The following IGSF21 variants were observed in gnomAD, a reference collection of about 807,000 sequenced individuals.
The protein encoded by IGSF21 is immunoglobulin superfamily member 21.
A neutral mutation model predicts 46.8 loss-of-function variants in IGSF21; 28 were observed. The observed-to-expected ratio is 0.60, with a 90% confidence interval of 0.44 to 0.82. The LOEUF (loss-of-function observed/expected upper bound fraction) is 0.82. IGSF21 is among the 40% of genes least tolerant of loss of function. IGSF21 has a pLI of 0.00. For missense variants in IGSF21, 624 were observed against 665.5 expected, an observed-to-expected ratio of 0.94 and a Z score of 0.69; for synonymous variants, 284 against 273.6, an observed-to-expected ratio of 1.04 and a Z score of -0.38.
chr1:18,318,231 C>A (rs537506517), intron 3 of IGSF21, among the ~76,000 whole-genome samples: 1 of 152,148 alleles, frequency 6.6e-6, no homozygotes, highest in Non-Finnish European at 1.5e-5. Flanking sequence ...CCCTGGCCCC[C>A]CGTCCCAAAT....
chr1:18,354,315 C>T lies in IGSF21; in HGVS notation c.425-7800C>T, dbSNP rs999667240. Among the ~76,000 whole-genome samples, 38 of 151,962 alleles carry T rather than the reference C, an allele frequency of 2.5e-4. 1 individual carries two copies. The highest frequency in any genetic ancestry group is 6.5e-5 in the Admixed American group (1 of 15,278). On this transcript the variant is annotated intron_variant, in intron 4 of 9. Coordinates refer to ENST00000251296, the MANE Select transcript of IGSF21 (RefSeq NM_032880.5). Reference sequence around the variant, plus strand: ...CATTGCTGAAGCAGGGAGGGCTTCCCAGAGGAGGTGCTCTTTTGAGCAGGT... The same window carrying T: ...CATTGCTGAAGCAGGGAGGGCTTCCTAGAGGAGGTGCTCTTTTGAGCAGGT...
intron 1 of IGSF21, among the ~76,000 whole-genome samples, chr1:18,197,825 A>T (rs577984403): frequency 1.3e-5 from 2 of 152,238 alleles, no homozygotes; most frequent in Non-Finnish European, 2.9e-5. Context: ...GCTTAGAATG[A>T]TGCCTGGAAC....
At chr1:18,160,845 G>C (rs1220725254) in intron 1 of IGSF21, among the ~76,000 whole-genome samples, 1 of 152,152 alleles carries the variant, frequency 6.6e-6, no homozygotes, top group Non-Finnish European at 1.5e-5. Flanking sequence ...TAGAGTGCTG[G>C]ACCAATGTGG....
chr1:18,363,662 T>C (rs1367749496), intron 5 of IGSF21, among the ~76,000 whole-genome samples: 2 of 148,504 alleles, frequency 1.3e-5, no homozygotes, highest in African/African-American at 5.0e-5. Context: ...GATGGAGCAA[T>C]GGGCAGGGGC....
intron 1 of IGSF21, among the ~76,000 whole-genome samples, chr1:18,147,885 T>C (rs1369773886): frequency 6.6e-6 from 1 of 151,964 alleles, no homozygotes; most frequent in Admixed American, 6.6e-5. Flanking sequence ...TGGTGGGAGG[T>C]AATTGAATCG....
chr1:18,233,987 G>A (rs2084651096), intron 2 of IGSF21, among the ~76,000 whole-genome samples: 1 of 152,140 alleles, frequency 6.6e-6, no homozygotes, highest in African/African-American at 2.4e-5. Context: ...ATCCTAAGGA[G>A]ACAGGAAACA....
chr1:18,352,987 C>T (rs1271884227), intron 4 of IGSF21, among the ~76,000 whole-genome samples: 7 of 152,270 alleles, frequency 4.6e-5, no homozygotes, highest in East Asian at 1.9e-4. Context: ...GCACCAAGCA[C>T]AGGAGCTCCC....
chr1:18,196,646 A>G (rs4920452), intron 1 of IGSF21, among the ~76,000 whole-genome samples: 146,136 of 152,248 alleles, frequency 0.96, 70,369 homozygotes, highest in East Asian at 1. Flanking sequence ...TTATCTCATC[A>G]GAGCCACATA....
chr1:18,337,839 A>G lies in IGSF21; in HGVS notation c.424+2829A>G, dbSNP rs567382018. ...GCAGATCGGCGCGTGGGGGATTACTATTATCTCTAACTCACAGATGAAGAG... is the reference window on the plus strand; with the variant it reads ...GCAGATCGGCGCGTGGGGGATTACTGTTATCTCTAACTCACAGATGAAGAG... On this transcript the variant is annotated intron_variant, in intron 4 of 9. Transcript: ENST00000251296. The surrounding 1 kb of genome is among the most constrained non-coding windows in gnomAD (Gnocchi z 5.7). Among the ~76,000 whole-genome samples, 8 of 152,246 alleles carry G rather than the reference A, an allele frequency of 5.3e-5. No homozygotes were observed. Among genetic ancestry groups the G allele is most frequent in the East Asian group, 1.9e-4 (1 of 5,178 alleles).
intron 3 of IGSF21, among the ~76,000 whole-genome samples, chr1:18,292,243 G>A (rs1459489157): frequency 6.6e-6 from 1 of 152,234 alleles, no homozygotes; most frequent in Non-Finnish European, 1.5e-5. Flanking sequence ...AGTCCTGGAA[G>A]GTGGGTATTC....
intron 3 of IGSF21, among the ~76,000 whole-genome samples, chr1:18,321,022 G>A (rs2085595371): frequency 6.6e-6 from 1 of 152,222 alleles, no homozygotes. Flanking sequence ...GCTCTGGCAT[G>A]CTGCCTGCTT....
At chr1:18,238,430 G>A (rs2084693131) in intron 2 of IGSF21, among the ~76,000 whole-genome samples, 1 of 152,222 alleles carries the variant, frequency 6.6e-6, no homozygotes, top group African/African-American at 2.4e-5. Context: ...GGGAAGAGGA[G>A]ATAAGAAGCA....
chr1:18,140,806 C>T lies in IGSF21; in HGVS notation c.70+32608C>T, dbSNP rs12080267. On this transcript the variant is annotated intron_variant, in intron 1 of 9. Coordinates refer to ENST00000251296, the MANE Select transcript of IGSF21 (RefSeq NM_032880.5). ...GCTCCTTCCACTGTCATGGCATTTA[C>T]ACCCAGGATTACCATCCTCTGCGGG... 3.9e-3 allele frequency among the ~76,000 whole-genome samples: 599 copies of T among 152,320 alleles called. 1 individual carries two copies. Among genetic ancestry groups the T allele is most frequent in the African/African-American group, 0.014 (578 of 41,580 alleles).
In IGSF21 at chr1:18,259,299, T is replaced by G. The variant is rs977534494; in HGVS notation, c.183+31289T>G. On this transcript the variant is annotated intron_variant, in intron 2 of 9. Transcript: ENST00000251296. ...CTCTAAGTCTCAATTTCTTCATCTG[T>G]AAAATGAGGAGATCCATACCCATCT... 5.3e-5 allele frequency among the ~76,000 whole-genome samples: 8 copies of G among 152,128 alleles called. 1 individual carries two copies. The highest frequency in any genetic ancestry group is 5.2e-4 in the Admixed American group (8 of 15,278).
intron 1 of IGSF21, among the ~76,000 whole-genome samples, chr1:18,192,207 C>T (rs771974071): frequency 6.6e-6 from 1 of 152,192 alleles, no homozygotes; most frequent in Non-Finnish European, 1.5e-5. Context: ...GGGGATCATG[C>T]TCCCACTTTG....
At chr1:18,350,249 G>A (rs867116814) in intron 4 of IGSF21, among the ~76,000 whole-genome samples, 23 of 152,178 alleles carry the variant, frequency 1.5e-4, no homozygotes, top group Admixed American at 6.5e-4. Context: ...ATGGGCCAGG[G>A]GACTCTCCCT....
intron 4 of IGSF21, among the ~76,000 whole-genome samples, chr1:18,339,482 A>T (rs550745594): frequency 6.6e-6 from 1 of 152,282 alleles, no homozygotes; most frequent in East Asian, 1.9e-4. Flanking sequence ...GTCTAATCCC[A>T]GTACTTCCGG....
intron 1 of IGSF21, among the ~76,000 whole-genome samples, chr1:18,186,644 TG>T (rs1557578116): frequency 6.6e-6 from 1 of 152,228 alleles, no homozygotes; most frequent in African/African-American, 2.4e-5. Flanking sequence ...AACACTCATC[TG>T]ATCGTCCCCC....
At chr1:18,276,605 C>A (rs909706195) in intron 2 of IGSF21, among the ~76,000 whole-genome samples, 1 of 152,184 alleles carries the variant, frequency 6.6e-6, no homozygotes, top group Non-Finnish European at 1.5e-5. Context: ...AGAATATGTG[C>A]CATCTTTCAT....
Sources: gnomAD v4.1 joint callset for allele counts (sites outside exome capture counted in the v4.1 genomes callset) on GRCh38, gnomAD v4.1.1 for gene constraint, Gnocchi (gnomAD v3.1) non-coding constraint, MANE v1.5 for transcripts, NCBI Gene and HGNC (gene_info 2026-07-23, HGNC 2026-07-21) for gene names.